The following MITF variants were observed in gnomAD, a reference collection of about 807,000 sequenced individuals.
The protein encoded by MITF is microphthalmia-associated transcription factor.
MITF carries 17 observed loss-of-function variants against 60.5 expected under a neutral mutation model. The ratio of observed to expected loss-of-function variants is 0.28; its 90% CI spans 0.19 to 0.42. MITF has a LOEUF of 0.42. MITF is among the 10% of genes least tolerant of loss of function. MITF has a pLI of 1.00. For missense variants in MITF, 622 were observed against 683.5 expected, an observed-to-expected ratio of 0.91 and a Z score of 1.00; for synonymous variants, 260 against 248.5, an observed-to-expected ratio of 1.05 and a Z score of -0.43.
intron 2 of MITF, among the ~76,000 whole-genome samples, chr3:69,926,529 G>A (rs963001885): frequency 2.6e-5 from 4 of 152,052 alleles, no homozygotes; most frequent in African/African-American, 4.8e-5. Context: ...TCTAATACCC[G>A]ATAAACTGCA....
At chr3:69,795,365 G>A (rs577342976) in intron 1 of MITF, among the ~76,000 whole-genome samples, 1 of 152,228 alleles carries the variant, frequency 6.6e-6, no homozygotes, top group East Asian at 1.9e-4. Flanking sequence ...AGAAAATTAC[G>A]TGATAACTCT....
intron 2 of MITF, among the ~76,000 whole-genome samples, chr3:69,889,121 A>G (rs972762268): frequency 6.8e-6 from 1 of 147,528 alleles, no homozygotes; most frequent in Admixed American, 7.0e-5. Flanking sequence ...TATGAGAAGC[A>G]CAGAACCTCA....
chr3:69,912,077 G>A lies in MITF; in HGVS notation c.355-25745G>A, dbSNP rs562170906. 3.3e-5 allele frequency among the ~76,000 whole-genome samples: 5 copies of A among 152,332 alleles called. No homozygotes were observed. In the East Asian group the frequency reaches 7.7e-4, roughly 23 times the overall value. On this transcript the variant is annotated intron_variant, in intron 2 of 9. Coordinates refer to ENST00000352241, the MANE Select transcript of MITF (RefSeq NM_001354604.2). ...GAGAGAAAATAAATGAATTAGATGG[G>A]TGTGTTTTTTCATGGATAGATCTCA...
intron 1 of MITF, among the ~76,000 whole-genome samples, chr3:69,845,434 TTTTC>T (rs1275949445): frequency 1.7e-5 from 2 of 117,208 alleles, no homozygotes; most frequent in South Asian, 2.4e-4. Flanking sequence ...CTTTTTTCTT[TTTTC>T]TTTCTTTTTT....
intron 5 of MITF, among the ~76,000 whole-genome samples, chr3:69,942,080 C>A (rs1056653162): frequency 6.6e-6 from 1 of 152,056 alleles, no homozygotes; most frequent in African/African-American, 2.4e-5. Context: ...TCTTTGAATG[C>A]CTTCTCCAAT....
chr3:69,881,961 G>T (rs1420418546), intron 2 of MITF, among the ~76,000 whole-genome samples: 1 of 152,074 alleles, frequency 6.6e-6, no homozygotes, highest in African/African-American at 2.4e-5. Context: ...TAGAGAATCT[G>T]GTTAAATCTC....
At chr3:69,934,343 T>C (rs1000979054) in intron 2 of MITF, among the ~76,000 whole-genome samples, 3 of 152,354 alleles carry the variant, frequency 2.0e-5, no homozygotes, top group Non-Finnish European at 4.4e-5. Flanking sequence ...TATCTACTAA[T>C]GTATAATCGT....
chr3:69,799,343 T>G lies in MITF; in HGVS notation c.104+59642T>G, dbSNP rs79350678. Reference sequence around the variant, plus strand: ...AGGAAGAAGCTGAGCAGGAAATAGTTGTGGAGTGTTGGAAAGAGGAAATAA... The same window carrying G: ...AGGAAGAAGCTGAGCAGGAAATAGTGGTGGAGTGTTGGAAAGAGGAAATAA... On this transcript the variant is annotated intron_variant, in intron 1 of 9. Coordinates refer to ENST00000352241, the MANE Select transcript of MITF (RefSeq NM_001354604.2). Among the ~76,000 whole-genome samples the G allele has an allele frequency of 6.5e-3, 996 of 152,262 alleles. 9 individuals are homozygous for G. The highest frequency in any genetic ancestry group is 0.023 in the African/African-American group (940 of 41,548).
At chr3:69,934,508 A>G (rs963828983) in intron 2 of MITF, among the ~76,000 whole-genome samples, 2 of 152,236 alleles carry the variant, frequency 1.3e-5, no homozygotes, top group Non-Finnish European at 2.9e-5. Context: ...GCCGTTAGAA[A>G]CATGATCTCA....
chr3:69,813,799 AAGTG>A (rs1429452085), intron 1 of MITF, among the ~76,000 whole-genome samples: 1 of 152,210 alleles, frequency 6.6e-6, no homozygotes, highest in Non-Finnish European at 1.5e-5. Flanking sequence ...TATGAACAAA[AAGTG>A]AGAATACTTA....
rs1553704444 is a variant in MITF at position 69,953,684 on chromosome 3, G to GAC, written c.955+1799_955+1800insCA. ...ATATAGAGAGAGAGAGAGAGAGAGA[G>GAC]AGAGACAGAGACAGAGACAGAGACA... On this transcript the variant is annotated intron_variant, in intron 7 of 9. Coordinates refer to ENST00000352241, the MANE Select transcript of MITF (RefSeq NM_001354604.2). 7.9e-3 allele frequency among the ~76,000 whole-genome samples: 1,143 copies of GAC among 143,922 alleles called. 1 individual carries two copies. The highest frequency in any genetic ancestry group is 0.022 in the Middle Eastern group (6 of 274). The allele number at this position is 143,922 out of a possible 152,430, so 94.4% of individuals were successfully genotyped here. A position where few individuals can be genotyped will look rare whatever the true frequency, so the allele number is the denominator to read the frequency against.
intron 1 of MITF, among the ~76,000 whole-genome samples, chr3:69,788,713 A>G (rs2062691967): frequency 6.6e-6 from 1 of 152,194 alleles, no homozygotes; most frequent in Non-Finnish European, 1.5e-5. Flanking sequence ...CAAAACTACA[A>G]TAATCACAAC....
chr3:69,797,396 A>G (rs1391243211), intron 1 of MITF, among the ~76,000 whole-genome samples: 2 of 152,198 alleles, frequency 1.3e-5, no homozygotes, highest in African/African-American at 4.8e-5. Context: ...CATTTATTAA[A>G]TATTTTCTGG....
At chr3:69,884,925 A>C (rs1353296630) in intron 2 of MITF, among the ~76,000 whole-genome samples, 1 of 152,180 alleles carries the variant, frequency 6.6e-6, no homozygotes, top group Admixed American at 6.5e-5. Context: ...AACTAAGCCT[A>C]TGAATTAATC....
chr3:69,747,869 T>A (rs6772383), intron 1 of MITF, among the ~76,000 whole-genome samples: 30,052 of 152,152 alleles, frequency 0.2, 3,431 homozygotes, highest in East Asian at 0.48. Context: ...TGGGGCTGGA[T>A]TTTTAATTAC....
chr3:69,775,221 G>A (rs2062455223), intron 1 of MITF, among the ~76,000 whole-genome samples: 1 of 152,178 alleles, frequency 6.6e-6, no homozygotes, highest in Non-Finnish European at 1.5e-5. Context: ...AAGGGCCAAG[G>A]AGCACAGCTG....
In MITF at chr3:69,965,940, T is replaced by C. The variant is rs2066680686; in HGVS notation, c.*692T>C. 4.3e-6 allele frequency: 1 copy of C among 231,958 alleles called. No individual in the cohort carries two copies. Among genetic ancestry groups the C allele is most frequent in the Non-Finnish European group, 8.5e-6 (1 of 117,388 alleles). 14.4% of individuals were successfully genotyped at this position (231,958 alleles called of 1,614,324 possible). ...AGTCTAATCTTGCTCTCTTTTATTC[T>C]GTGCTGTTACAGTTTTCTTCATCAA... On this transcript the variant is annotated 3_prime_UTR_variant, in exon 10 of 10. Transcript: ENST00000352241.
chr3:69,747,139 C>G (rs1703757606), intron 1 of MITF, among the ~76,000 whole-genome samples: 1 of 152,146 alleles, frequency 6.6e-6, no homozygotes, highest in South Asian at 2.1e-4. Context: ...AGTCTCTGTG[C>G]TGGCCATAGG....
chr3:69,820,631 G>A (rs2063254375), intron 1 of MITF, among the ~76,000 whole-genome samples: 1 of 152,148 alleles, frequency 6.6e-6, no homozygotes, highest in Non-Finnish European at 1.5e-5. Flanking sequence ...TGTAAACCTA[G>A]GGGATGTGAT....
Sources: gnomAD v4.1 joint callset for allele counts (sites outside exome capture counted in the v4.1 genomes callset) on GRCh38, gnomAD v4.1.1 for gene constraint, MANE v1.5 for transcripts, NCBI Gene and HGNC (gene_info 2026-07-23, HGNC 2026-07-21) for gene names.